Variants in RPS6KC1 observed in about 807,000 individuals in gnomAD.
RPS6KC1 encodes inactive ribosomal protein S6 kinase delta-1.
RPS6KC1 carries 54 observed loss-of-function variants against 103.8 expected under a neutral mutation model. The observed-to-expected ratio is 0.52, with a 90% CI of 0.42 to 0.65. RPS6KC1 has a LOEUF of 0.65. RPS6KC1 is among the 30% of genes least tolerant of loss of function. RPS6KC1 has a pLI of 0.00. For synonymous variants in RPS6KC1, 439 were observed against 438.7 expected, an observed-to-expected ratio of 1.00 and a Z score of -0.01; for missense variants, 1,151 against 1,253.8, an observed-to-expected ratio of 0.92 and a Z score of 1.24.
chr1:213,780,616 C>T, the RPS6KC1 span, among the ~76,000 whole-genome samples: 12 of 152,126 alleles, frequency 7.9e-5, no homozygotes, highest in African/African-American at 2.9e-4. Flanking sequence ...TCCTTTATTC[C>T]AACCAGCACC....
chr1:213,081,774 C>T (rs554629698), intron 3 of RPS6KC1, among the ~76,000 whole-genome samples: 1 of 151,796 alleles, frequency 6.6e-6, no homozygotes, highest in South Asian at 2.1e-4. Context: ...ACAGGGGCAT[C>T]CAGCCAAAAA....
intron 8 of RPS6KC1, among the ~76,000 whole-genome samples, chr1:213,184,634 A>G (rs1017502194): frequency 6.6e-6 from 1 of 152,164 alleles, no homozygotes; most frequent in African/African-American, 2.4e-5. Flanking sequence ...ATTTATTGCT[A>G]TAAACTTTTC....
At chr1:213,681,793 C>A in the RPS6KC1 span, among the ~76,000 whole-genome samples, 1 of 151,610 alleles carries the variant, frequency 6.6e-6, no homozygotes, top group Non-Finnish European at 1.5e-5. Flanking sequence ...GTGAGACTGT[C>A]TCAAAAAAAA....
chr1:213,387,341 G>A, the RPS6KC1 span, among the ~76,000 whole-genome samples: 5 of 152,222 alleles, frequency 3.3e-5, no homozygotes, highest in African/African-American at 1.2e-4. Flanking sequence ...CATTTGCATT[G>A]TAATTGCCTG....
Position 213,273,194 on chromosome 1 carries a change from T to C in RPS6KC1, c.*560T>C, listed in dbSNP as rs1286698754. 2.0e-5 allele frequency: 3 copies of C among 153,158 alleles called. No individual in the cohort carries two copies. Among genetic ancestry groups the C allele is most frequent in the Non-Finnish European group, 2.9e-5 (2 of 68,378 alleles). 9.5% of individuals were successfully genotyped at this position (153,158 alleles called of 1,614,324 possible). On this transcript the variant is annotated 3_prime_UTR_variant, in exon 15 of 15. Transcript: ENST00000366960. ...GTATGTTGAATGTGGTCCCAGATTA[T>C]TTCTGTAAGAAGACACTCCATGTTG...
At chr1:213,828,424 A>T in the RPS6KC1 span, among the ~76,000 whole-genome samples, 23 of 152,324 alleles carry the variant, frequency 1.5e-4, no homozygotes, top group East Asian at 4.4e-3. Flanking sequence ...TGGATATCTC[A>T]TATAGCAAGA....
chr1:213,790,030 T>G, the RPS6KC1 span, among the ~76,000 whole-genome samples: 22,483 of 152,170 alleles, frequency 0.15, 2,165 homozygotes, highest in South Asian at 0.24. Flanking sequence ...TAGAAGGGGT[T>G]TCTTCCTTAA....
At chr1:213,778,179 A>G in the RPS6KC1 span, among the ~76,000 whole-genome samples, 5 of 152,226 alleles carry the variant, frequency 3.3e-5, no homozygotes, top group Non-Finnish European at 7.3e-5. Flanking sequence ...GTTATCAGGA[A>G]TTATCAAGAG....
chr1:213,129,146 AAAAAG>A (rs1224066623), intron 5 of RPS6KC1, among the ~76,000 whole-genome samples: 1 of 152,164 alleles, frequency 6.6e-6, no homozygotes, highest in African/African-American at 2.4e-5. Context: ...ACAAAACAAA[AAAAAG>A]AGAGCTGAGA....
intron 7 of RPS6KC1, among the ~76,000 whole-genome samples, chr1:213,175,501 A>G (rs1289064772): frequency 6.6e-6 from 1 of 152,222 alleles, no homozygotes; most frequent in Non-Finnish European, 1.5e-5. Context: ...CAGCATCACC[A>G]TTTTAATACA....
At chr1:213,633,667 A>G in the RPS6KC1 span, among the ~76,000 whole-genome samples, 1 of 151,930 alleles carries the variant, frequency 6.6e-6, no homozygotes, top group East Asian at 1.9e-4. Flanking sequence ...ACCTAATATC[A>G]TAATGACAGG....
the RPS6KC1 span, among the ~76,000 whole-genome samples, chr1:213,361,982 T>G: frequency 6.6e-6 from 1 of 152,320 alleles, no homozygotes; most frequent in South Asian, 2.1e-4. Context: ...TGTTTGCAAC[T>G]TGCACCCAAA....
chr1:213,141,637 C>T (rs926260437), intron 6 of RPS6KC1, among the ~76,000 whole-genome samples: 10 of 151,968 alleles, frequency 6.6e-5, no homozygotes, highest in African/African-American at 2.4e-4. Flanking sequence ...CAGTTCTGCT[C>T]TGATTTTGGT....
the RPS6KC1 span, among the ~76,000 whole-genome samples, chr1:213,703,121 T>A: frequency 6.6e-6 from 1 of 152,188 alleles, no homozygotes; most frequent in East Asian, 1.9e-4. Context: ...TGGTTTGAGG[T>A]TACTGTGAGG....
chr1:213,684,063 T>C, the RPS6KC1 span, among the ~76,000 whole-genome samples: 2 of 152,196 alleles, frequency 1.3e-5, no homozygotes, highest in African/African-American at 4.8e-5. Flanking sequence ...TGCATTGCCC[T>C]GGCTTTTCCT....
intron 3 of RPS6KC1, among the ~76,000 whole-genome samples, chr1:213,091,214 C>T (rs1165238450): frequency 2.6e-5 from 4 of 152,006 alleles, no homozygotes; most frequent in South Asian, 4.1e-4. Flanking sequence ...CCAGCCACCA[C>T]GCCCAGCTAA....
chr1:213,507,649 C>T, the RPS6KC1 span, among the ~76,000 whole-genome samples: 3 of 151,706 alleles, frequency 2.0e-5, no homozygotes, highest in Non-Finnish European at 2.9e-5. Flanking sequence ...CATTGCGGGC[C>T]TCCGGAATGG....
At chr1:213,666,987 C>A in the RPS6KC1 span, among the ~76,000 whole-genome samples, 7 of 152,132 alleles carry the variant, frequency 4.6e-5, no homozygotes, top group African/African-American at 1.7e-4. Flanking sequence ...GGAGGAGAAG[C>A]CTCTTCTTTG....
chr1:213,149,058 T>C (rs1161951274), intron 6 of RPS6KC1, among the ~76,000 whole-genome samples: 2 of 152,184 alleles, frequency 1.3e-5, no homozygotes, highest in Admixed American at 1.3e-4. Context: ...TATTTGTATA[T>C]TCTTTTTTTT....
Sources: allele counts gnomAD v4.1 joint callset (sites outside exome capture counted in the v4.1 genomes callset), GRCh38; gene constraint gnomAD v4.1.1; transcripts MANE v1.5; gene names NCBI Gene and HGNC (gene_info 2026-07-23, HGNC 2026-07-21).